Variants in ITFG1 observed in about 807,000 individuals in gnomAD.
ITFG1 encodes integrin alpha FG-GAP repeat containing 1, also known as T-cell immunomodulatory protein.
In ITFG1, 34 loss-of-function variants were observed where a neutral mutation model predicts 81.8. The ratio of observed to expected loss-of-function variants is 0.42; its 90% CI spans 0.32 to 0.55. The LOEUF is 0.55. Ranked by LOEUF, ITFG1 falls within the 20% of genes least tolerant of loss-of-function variation. The probability of loss-of-function intolerance (pLI) is 0.17; values close to 1 mark genes in which losing one functional copy is unlikely to be tolerated. For missense variants in ITFG1, 672 were observed against 755.4 expected, an observed-to-expected ratio of 0.89 and a Z score of 1.29; for synonymous variants, 285 against 270.6, an observed-to-expected ratio of 1.05 and a Z score of -0.52.
At chr16:47,450,154 C>G (rs1183358465) in intron 5 of ITFG1, 2 of 169,328 alleles carry the variant, frequency 1.2e-5, no homozygotes, top group Non-Finnish European at 2.6e-5. Flanking sequence ...TGCACCCCAC[C>G]TGCACTCAAT....
chr16:47,178,606 C>G (rs1375613611), intron 14 of ITFG1, among the ~76,000 whole-genome samples: 1 of 152,088 alleles, frequency 6.6e-6, no homozygotes, highest in Non-Finnish European at 1.5e-5. Context: ...AATGTTAGAC[C>G]TAAAACCATA....
chr16:47,359,104 T>C (rs1461952485), intron 8 of ITFG1, among the ~76,000 whole-genome samples: 1 of 152,038 alleles, frequency 6.6e-6, no homozygotes, highest in Non-Finnish European at 1.5e-5. Context: ...GGAGGGACAA[T>C]TTGCAGAACA....
At chr16:47,269,484 A>AC (rs1449980726) in intron 10 of ITFG1, among the ~76,000 whole-genome samples, 2 of 137,504 alleles carry the variant, frequency 1.5e-5, no homozygotes, top group Non-Finnish European at 3.0e-5. Flanking sequence ...CCCTGTCTCT[A>AC]TTAAAAAAAA....
chr16:47,193,490 T>C (rs1384594934), intron 14 of ITFG1, among the ~76,000 whole-genome samples: 1 of 151,986 alleles, frequency 6.6e-6, no homozygotes, highest in Non-Finnish European at 1.5e-5. Flanking sequence ...AGCCCAAGAG[T>C]TCAAGGCCAG....
intron 12 of ITFG1, among the ~76,000 whole-genome samples, chr16:47,242,514 A>ATCAATTT (rs1965946466): frequency 6.6e-6 from 1 of 152,162 alleles, no homozygotes; most frequent in Admixed American, 6.5e-5. Flanking sequence ...TCAATTAGAA[A>ATCAATTT]ATAAGAAAGG....
At chr16:47,307,093 C>CAAA (rs371103697) in intron 10 of ITFG1, among the ~76,000 whole-genome samples, 936 of 16,464 alleles carry the variant, frequency 0.057, 416 homozygotes, top group Middle Eastern at 0.25. Flanking sequence ...AACTCCGTCT[C>CAAA]AAAAAAAAAA....
intron 10 of ITFG1, among the ~76,000 whole-genome samples, chr16:47,270,165 T>C (rs1226611244): frequency 6.6e-6 from 1 of 152,144 alleles, no homozygotes; most frequent in East Asian, 1.9e-4. Flanking sequence ...ATTTCTTAGT[T>C]ACGACACTAA....
intron 5 of ITFG1, among the ~76,000 whole-genome samples, chr16:47,433,293 G>C (rs189884227): frequency 9.2e-5 from 14 of 152,248 alleles, no homozygotes; most frequent in Non-Finnish European, 1.9e-4. Context: ...TAAGAATCTT[G>C]AATTCATTGC....
intron 8 of ITFG1, among the ~76,000 whole-genome samples, chr16:47,351,472 G>C (rs1967953685): frequency 6.6e-6 from 1 of 152,152 alleles, no homozygotes; most frequent in African/African-American, 2.4e-5. Context: ...TGGCTTCAAA[G>C]AGAATAAAAT....
At chr16:47,264,006 C>T (rs1366398264) in intron 10 of ITFG1, among the ~76,000 whole-genome samples, 1 of 152,058 alleles carries the variant, frequency 6.6e-6, no homozygotes, top group Non-Finnish European at 1.5e-5. Flanking sequence ...AAACTATTGG[C>T]GACAAACAGT....
chr16:47,341,947 A>G (rs1391109800), intron 8 of ITFG1, among the ~76,000 whole-genome samples: 1 of 152,184 alleles, frequency 6.6e-6, no homozygotes, highest in East Asian at 1.9e-4. Flanking sequence ...CCAACTAAGA[A>G]AAGTCCAACC....
chr16:47,336,484 A>G (rs1967705357), intron 8 of ITFG1, among the ~76,000 whole-genome samples: 1 of 152,222 alleles, frequency 6.6e-6, no homozygotes, highest in African/African-American at 2.4e-5. Flanking sequence ...TAACGTGTCT[A>G]GGGACTATCT....
intron 14 of ITFG1, among the ~76,000 whole-genome samples, chr16:47,214,134 G>A (rs1217134001): frequency 6.6e-6 from 1 of 152,186 alleles, no homozygotes; most frequent in Non-Finnish European, 1.5e-5. Flanking sequence ...ACAGGTTGAT[G>A]TGGGGTAAAA....
At chr16:47,302,380 ATT>A (rs755492872) in intron 10 of ITFG1, among the ~76,000 whole-genome samples, 4 of 145,044 alleles carry the variant, frequency 2.8e-5, no homozygotes, top group African/African-American at 7.5e-5. Context: ...CATTTTTGGT[ATT>A]TTTTTTTTTT....
chr16:47,409,404 A>ATTTTTTTTTTTTTT (rs1187071917), intron 6 of ITFG1, among the ~76,000 whole-genome samples: 1 of 6,102 alleles, frequency 1.6e-4, no homozygotes, highest in Non-Finnish European at 2.9e-4. Context: ...ATATATATAT[A>ATTTTTTTTTTTTTT]TTTTTTTTTT....
intron 6 of ITFG1, among the ~76,000 whole-genome samples, chr16:47,421,293 CACACACACACACAT>C (rs1316288529): frequency 7.4e-4 from 110 of 149,444 alleles, no homozygotes; most frequent in African/African-American, 2.4e-3. Flanking sequence ...CACACACACA[CACACACACACACAT>C]ACATATTTTT....
intron 6 of ITFG1, among the ~76,000 whole-genome samples, chr16:47,403,213 A>T (rs570810030): frequency 2.6e-5 from 4 of 151,312 alleles, no homozygotes; most frequent in Non-Finnish European, 5.9e-5. Context: ...AGCCAACAAT[A>T]CCAAGGTTAC....
At chr16:47,179,227 G>C (rs1021429317) in intron 14 of ITFG1, among the ~76,000 whole-genome samples, 4 of 152,120 alleles carry the variant, frequency 2.6e-5, no homozygotes, top group African/African-American at 9.7e-5. Flanking sequence ...CCATTACTGG[G>C]TATATACCCA....
intron 5 of ITFG1, among the ~76,000 whole-genome samples, chr16:47,442,464 C>G (rs532478600): frequency 1.3e-5 from 2 of 152,268 alleles, no homozygotes; most frequent in South Asian, 4.1e-4. Flanking sequence ...GCCAAAAGAA[C>G]AAAGCTGGAG....
Sources: allele counts gnomAD v4.1 joint callset (sites outside exome capture counted in the v4.1 genomes callset), GRCh38; gene constraint gnomAD v4.1.1; transcripts MANE v1.5; gene names NCBI Gene and HGNC (gene_info 2026-07-23, HGNC 2026-07-21).